Variants in LOC400499 observed in about 807,000 individuals in gnomAD.
the LOC400499 span, among the ~76,000 whole-genome samples, chr16:11,512,558 G>C: frequency 6.6e-6 from 1 of 152,000 alleles, no homozygotes; most frequent in African/African-American, 2.4e-5. Context: ...CCAGGATCAC[G>C]CCACTGGACT....
chr16:11,506,595 C>T, the LOC400499 span, among the ~76,000 whole-genome samples: 12 of 152,306 alleles, frequency 7.9e-5, no homozygotes, highest in African/African-American at 2.6e-4. Context: ...TGTCTGTCCC[C>T]TCCCAACCCC....
the LOC400499 span, chr16:11,484,854 C>T: frequency 5.0e-6 from 2 of 398,912 alleles, no homozygotes; most frequent in East Asian, 3.6e-5. Context: ...TGGGGGAGTA[C>T]AGTGGGTGTG....
At chr16:11,441,419 T>C in the LOC400499 span, among the ~76,000 whole-genome samples, 1 of 152,160 alleles carries the variant, frequency 6.6e-6, no homozygotes, top group Non-Finnish European at 1.5e-5. Flanking sequence ...CAATAAATAT[T>C]TGGACAAATG....
chr16:11,395,532 C>T, the LOC400499 span, among the ~76,000 whole-genome samples: 1 of 152,160 alleles, frequency 6.6e-6, no homozygotes, highest in African/African-American at 2.4e-5. Context: ...AGGAGAAACT[C>T]CTTTGAAATG....
At chr16:11,446,487 G>C in the LOC400499 span, 2 of 1,435,398 alleles carry the variant, frequency 1.4e-6, no homozygotes, top group Non-Finnish European at 1.9e-6. Flanking sequence ...CCTATTGAGC[G>C]ATGACAGCAA....
chr16:11,490,170 T>C, the LOC400499 span, among the ~76,000 whole-genome samples: 1 of 151,584 alleles, frequency 6.6e-6, no homozygotes, highest in Non-Finnish European at 1.5e-5. Flanking sequence ...CTGAGGTGGA[T>C]GGATCACCTG....
the LOC400499 span, chr16:11,398,635 G>T: frequency 1.5e-6 from 1 of 654,632 alleles, no homozygotes; most frequent in Non-Finnish European, 2.2e-6. Flanking sequence ...GCTCTCATCA[G>T]CCACAGCACC....
the LOC400499 span, among the ~76,000 whole-genome samples, chr16:11,401,045 G>A: frequency 5.9e-5 from 9 of 152,172 alleles, no homozygotes; most frequent in African/African-American, 1.2e-4. Context: ...TTCAAACACC[G>A]CCTGGTATAC....
At chr16:11,458,362 G>C in the LOC400499 span, among the ~76,000 whole-genome samples, 1 of 151,952 alleles carries the variant, frequency 6.6e-6, no homozygotes, top group Non-Finnish European at 1.5e-5. Context: ...AAAATTAGCC[G>C]TGTGTGGTGG....
chr16:11,481,441 G>C, the LOC400499 span, among the ~76,000 whole-genome samples: 217 of 152,174 alleles, frequency 1.4e-3, no homozygotes, highest in African/African-American at 5.0e-3. Flanking sequence ...TCCTGCCTCA[G>C]TCTCTTGATT....
the LOC400499 span, among the ~76,000 whole-genome samples, chr16:11,473,827 G>C: frequency 6.6e-6 from 1 of 151,962 alleles, no homozygotes; most frequent in East Asian, 1.9e-4. Context: ...TCTTCGTAAA[G>C]GGCCAGATTG....
At chr16:11,431,823 T>A in the LOC400499 span, among the ~76,000 whole-genome samples, 1 of 152,206 alleles carries the variant, frequency 6.6e-6, no homozygotes, top group African/African-American at 2.4e-5. Context: ...CACTCCTGCA[T>A]TAACACGTGA....
the LOC400499 span, among the ~76,000 whole-genome samples, chr16:11,444,960 G>A: frequency 6.6e-6 from 1 of 152,006 alleles, no homozygotes; most frequent in Non-Finnish European, 1.5e-5. Context: ...GTGGTAATGT[G>A]TGCCTGTGGT....
At chr16:11,394,186 G>A in the LOC400499 span, among the ~76,000 whole-genome samples, 5 of 152,168 alleles carry the variant, frequency 3.3e-5, no homozygotes, top group Admixed American at 6.5e-5. Context: ...AAGGAGACAC[G>A]GGCACACCTG....
chr16:11,461,833 T>G, the LOC400499 span, among the ~76,000 whole-genome samples: 1 of 152,114 alleles, frequency 6.6e-6, no homozygotes, highest in African/African-American at 2.4e-5. Flanking sequence ...CTGCTCACTC[T>G]GTGTGTGTTT....
chr16:11,497,328 C>T, the LOC400499 span, among the ~76,000 whole-genome samples: 240 of 152,326 alleles, frequency 1.6e-3, no homozygotes, highest in African/African-American at 5.5e-3. Flanking sequence ...AAAGCACATT[C>T]AATGTTTCCC....
chr16:11,450,847 G>T, the LOC400499 span: 2 of 1,516,072 alleles, frequency 1.3e-6, no homozygotes, highest in South Asian at 2.4e-5. Flanking sequence ...AGGAGAATCT[G>T]GTACACGGGG....
chr16:11,372,768 G>C, the LOC400499 span: 1 of 978,692 alleles, frequency 1.0e-6, no homozygotes, highest in Non-Finnish European at 1.2e-6. Flanking sequence ...GTAAGACCAG[G>C]CTATGGGCCC....
chr16:11,470,438 C>A, the LOC400499 span, among the ~76,000 whole-genome samples: 1 of 152,186 alleles, frequency 6.6e-6, no homozygotes, highest in Non-Finnish European at 1.5e-5. Flanking sequence ...CATCTCTCAG[C>A]ATCTTCCCTC....
Sources: allele counts gnomAD v4.1 joint callset (sites outside exome capture counted in the v4.1 genomes callset), GRCh38; gene constraint gnomAD v4.1.1; transcripts MANE v1.5.